Variants in ASAH2 observed in about 807,000 individuals in gnomAD.
ASAH2 encodes N-acylsphingosine amidohydrolase 2.
In ASAH2, 58 loss-of-function variants were observed where a neutral mutation model predicts 82.9. That is an observed-to-expected ratio of 0.70 (90% CI 0.57 to 0.87). ASAH2 has a LOEUF of 0.87. ASAH2 is among the 40% of genes least tolerant of loss of function. The pLI is 0.00. For missense variants in ASAH2, 779 were observed against 834.0 expected, an observed-to-expected ratio of 0.93 and a Z score of 0.81; for synonymous variants, 276 against 289.7, an observed-to-expected ratio of 0.95 and a Z score of 0.48.
At chr10:50,215,823 A>G (rs2133210535) in intron 8 of ASAH2, among the ~76,000 whole-genome samples, 1 of 152,298 alleles carries the variant, frequency 6.6e-6, no homozygotes, top group South Asian at 2.1e-4. Flanking sequence ...ATATACCCAA[A>G]GGATTATAAA....
chr10:50,250,392 T>C (rs1846583750), intron 1 of ASAH2, among the ~76,000 whole-genome samples: 1 of 152,130 alleles, frequency 6.6e-6, no homozygotes, highest in Non-Finnish European at 1.5e-5. Flanking sequence ...CCTCATCCAC[T>C]TATCACCACC....
At position 50,224,258 on chromosome 10, in the gene ASAH2, T is replaced by G. The variant is rs1845821142; in HGVS notation, c.894-5628A>C. 2.0e-5 allele frequency among the ~76,000 whole-genome samples: 3 copies of G among 152,184 alleles called. 1 individual carries two copies. Among genetic ancestry groups the G allele is most frequent in the Admixed American group, 2.0e-4 (3 of 15,280 alleles). Reference sequence around the variant, plus strand: ...CACAAAGACTGGCTGATACCAAGAATGGAATAAATGTTCACTACAAGAATA... The same window carrying G: ...CACAAAGACTGGCTGATACCAAGAAGGGAATAAATGTTCACTACAAGAATA... On this transcript the variant is annotated intron_variant, in intron 7 of 20. Coordinates refer to ENST00000682911, the MANE Select transcript of ASAH2 (RefSeq NM_019893.4).
intron 4 of ASAH2, among the ~76,000 whole-genome samples, chr10:50,242,276 G>A (rs1460617518): frequency 6.6e-6 from 1 of 152,122 alleles, no homozygotes; most frequent in Non-Finnish European, 1.5e-5. Flanking sequence ...TGTGATGAGG[G>A]AGGCTTCCGC....
chr10:50,203,809 T>C, intron 14 of ASAH2, 130 bp from the exon 15 acceptor site: 1 of 784,116 alleles, frequency 1.3e-6, no homozygotes, highest in South Asian at 1.5e-5. Context: ...AGGAACCCAA[T>C]GACTATGAAA....
chr10:50,225,759 C>G (rs1845866141), intron 7 of ASAH2, among the ~76,000 whole-genome samples: 1 of 152,068 alleles, frequency 6.6e-6, no homozygotes, highest in Admixed American at 6.6e-5. Flanking sequence ...AGGAATTTAG[C>G]TTAAGGAAAT....
At position 50,218,630 on chromosome 10, in the gene ASAH2, G is replaced by A. The variant is rs1845670428; in HGVS notation, c.894C>T (p.Ser298=). 3.7e-6 allele frequency: 6 copies of A among 1,613,768 alleles called. No homozygotes were observed. Among genetic ancestry groups the A allele is most frequent in the Non-Finnish European group, 5.1e-6 (6 of 1,179,710 alleles). The change falls in exon 8 of 21, where the codon AGC becomes AGT. Residue 298 remains serine (S), a splice_region_variant and synonymous_variant. Transcript: ENST00000682911. ...DLNGDDLGLI[S]WFAIHPVSMN... ...TGCTGACCGGGTGGATGGCAAACCA[G>A]CTGTAAAAGAGCAAGAAGCTCTAAA...
At position 50,212,985 on chromosome 10, in the gene ASAH2, T is replaced by C. The variant is rs1845498217; in HGVS notation, c.1214A>G (p.Tyr405Cys). 1.2e-6 allele frequency: 2 copies of C among 1,613,602 alleles called. No homozygotes were observed. Among genetic ancestry groups the C allele is most frequent in the Admixed American group, 1.7e-5 (1 of 59,972 alleles). The change falls in exon 10 of 21, where the codon TAT becomes TGT. Residue 405 changes from tyrosine to cysteine, a missense_variant. By Grantham distance (194) the Tyr-to-Cys change is radical. Transcript: ENST00000682911. ...CCCATGGCTTACCTTTGCTCTCTGA[T>C]ACATGGCCCGTCCTATAATTTGTGT... Reference protein sequence around the residue: ...DSTQIIGRAMYQRAKELYASA... With the variant: ...DSTQIIGRAMCQRAKELYASA...
At chr10:50,187,895 G>GTGTA (rs1554902565) in intron 20 of ASAH2, among the ~76,000 whole-genome samples, 2 of 18,706 alleles carry the variant, frequency 1.1e-4, no homozygotes, top group African/African-American at 1.2e-4. Context: ...ATGTGTGTGT[G>GTGTA]TATATATATA....
At chr10:50,247,255 C>T (rs1403350433) in intron 2 of ASAH2, among the ~76,000 whole-genome samples, 1 of 151,806 alleles carries the variant, frequency 6.6e-6, no homozygotes, top group East Asian at 1.9e-4. Flanking sequence ...TGGGTTCAAG[C>T]GATTCTCCTG....
intron 13 of ASAH2, among the ~76,000 whole-genome samples, chr10:50,205,172 C>A (rs1441932681): frequency 1.3e-5 from 2 of 152,004 alleles, no homozygotes; most frequent in Non-Finnish European, 2.9e-5. Context: ...GATCTGTCAT[C>A]GTGAAATCAC....
chr10:50,196,384 C>A (rs1359530463), intron 18 of ASAH2, among the ~76,000 whole-genome samples: 1 of 151,606 alleles, frequency 6.6e-6, no homozygotes, highest in Non-Finnish European at 1.5e-5. Flanking sequence ...CCTCCTCCCC[C>A]CAGAAAAACT....
intron 1 of ASAH2, among the ~76,000 whole-genome samples, chr10:50,251,130 T>G (rs1447029777): frequency 6.6e-6 from 1 of 152,242 alleles, no homozygotes; most frequent in Admixed American, 6.5e-5. Flanking sequence ...TTCTAGATTT[T>G]ATAATGGTTC....
chr10:50,235,718 A>G (rs1478679283), intron 5 of ASAH2, among the ~76,000 whole-genome samples, 170 bp downstream of exon 5: 1 of 152,132 alleles, frequency 6.6e-6, no homozygotes, highest in Non-Finnish European at 1.5e-5. Context: ...CTAACAGCCC[A>G]TAGCTCAGAA....
intron 5 of ASAH2, 115 bp from the exon 6 acceptor site, chr10:50,234,667 C>G: frequency 7.1e-7 from 1 of 1,402,892 alleles, no homozygotes; most frequent in Admixed American, 1.8e-5. Flanking sequence ...TCTAATGGGT[C>G]CACATTACGG....
intron 7 of ASAH2, among the ~76,000 whole-genome samples, chr10:50,219,051 T>A (rs1331605974): frequency 6.6e-6 from 1 of 152,160 alleles, no homozygotes; most frequent in African/African-American, 2.4e-5. Context: ...ACTTTCAGAA[T>A]CTCACCAAAG....
chr10:50,243,425 T>C, intron 3 of ASAH2, 74 bp from the exon 4 acceptor site: 2 of 1,470,968 alleles, frequency 1.4e-6, no homozygotes, highest in Non-Finnish European at 1.8e-6. Flanking sequence ...AAACATACAA[T>C]ATAGACGACT....
At chr10:50,196,253 A>G (rs1276718529) in intron 18 of ASAH2, among the ~76,000 whole-genome samples, 1 of 151,900 alleles carries the variant, frequency 6.6e-6, no homozygotes, top group Non-Finnish European at 1.5e-5. Flanking sequence ...ATAAGGATAA[A>G]TAATTAGGTG....
In ASAH2 at chr10:50,218,682, G is replaced by A. The variant is rs1336087291; in HGVS notation, c.894-52C>T. 4.3e-6 allele frequency: 7 copies of A among 1,609,796 alleles called. No homozygotes were observed. The Admixed American group carries it at 5.0e-5, about 12-fold the overall frequency. ...TAATCAGGAGAACGAGAGAACTGGG[G>A]CCAAGAACTATGACTGGGAGCTTAA... On this transcript the variant is annotated intron_variant, in intron 7 of 20. Coordinates refer to ENST00000682911, the MANE Select transcript of ASAH2 (RefSeq NM_019893.4).
At chr10:50,217,310 C>T (rs983776843) in intron 8 of ASAH2, among the ~76,000 whole-genome samples, 2 of 151,700 alleles carry the variant, frequency 1.3e-5, no homozygotes, top group South Asian at 2.1e-4. Context: ...TCACTACAAC[C>T]TCTGCCTCCT....
Sources: gnomAD v4.1 joint callset for allele counts (sites outside exome capture counted in the v4.1 genomes callset) on GRCh38, gnomAD v4.1.1 for gene constraint, MANE v1.5 for transcripts, NCBI Gene and HGNC (gene_info 2026-07-23, HGNC 2026-07-21) for gene names.